The following ESYT2 variants were observed in gnomAD, a reference collection of about 807,000 sequenced individuals.
The protein encoded by ESYT2 is extended synaptotagmin-2.
ESYT2 carries 54 observed loss-of-function variants against 107.2 expected under a neutral mutation model. The ratio of observed to expected loss-of-function variants is 0.50; its 90% CI spans 0.40 to 0.63. The LOEUF (loss-of-function observed/expected upper bound fraction) is 0.63. Ranked by LOEUF, ESYT2 falls within the 30% of genes least tolerant of loss-of-function variation. The pLI is 0.00. For synonymous variants in ESYT2, 491 were observed against 434.1 expected (o/e 1.13, Z -1.63); for missense variants, 1,020 against 1,094.5 (o/e 0.93, Z 0.96).
intron 6 of ESYT2, among the ~76,000 whole-genome samples, chr7:158,775,385 C>A (rs1165763710): frequency 1.2e-5 from 1 of 80,794 alleles, no homozygotes; most frequent in African/African-American, 3.0e-5. Context: ...TAGCATGCCA[C>A]ACTGTTTGAT....
chr7:158,788,817 G>T (rs1463044179), intron 4 of ESYT2, among the ~76,000 whole-genome samples: 3 of 152,168 alleles, frequency 2.0e-5, no homozygotes, highest in Admixed American at 1.3e-4. Flanking sequence ...ACATTAAAAA[G>T]TTTAATTTTA....
Position 158,734,110 on chromosome 7 carries a change from T to A in ESYT2, c.*97A>T. 1 of 1,432,968 alleles carries A rather than the reference T, an allele frequency of 7.0e-7. No individual in the cohort carries two copies. 88.8% of individuals were successfully genotyped at this position (1,432,968 alleles called of 1,614,324 possible). A position where few individuals can be genotyped will look rare whatever the true frequency, so the allele number is the denominator to read the frequency against. ...ATTAAGGTATGTATAACTAAATCCATGAAATTATAAAAATAACATTGGTAC... is the reference window on the plus strand; with the variant it reads ...ATTAAGGTATGTATAACTAAATCCAAGAAATTATAAAAATAACATTGGTAC... On this transcript the variant is annotated 3_prime_UTR_variant, in exon 23 of 23. Transcript: ENST00000275418.
Position 158,759,530 on chromosome 7 carries a change from A to T in ESYT2, c.1375T>A (p.Ser459Thr). ...TCCAAGTACAAGATCAGCAATGCAG[A>T]GGAAAGACCATCGTTGGCTTGGTCT... is the stretch of plus-strand genomic sequence containing the variant. The part of the protein sequence containing the change: ...DKDQANDGLS[S>T]ALLILYLDSA... Residue 459 changes from serine (S) to threonine (T), a missense_variant, in exon 13 of 23, where the codon TCT becomes ACT. Ser to Thr is a moderately conservative substitution (Grantham distance 58). Coordinates refer to ENST00000275418, the MANE Select transcript of ESYT2 (RefSeq NM_001367773.1). 1 of 1,612,444 alleles carries T rather than the reference A, an allele frequency of 6.2e-7. No homozygotes were observed.
In ESYT2 at chr7:158,754,587, T is replaced by G. The variant is rs112780468; in HGVS notation, c.1420-1744A>C. On this transcript the variant is annotated intron_variant, in intron 13 of 22. Coordinates refer to ENST00000275418, the MANE Select transcript of ESYT2 (RefSeq NM_001367773.1). ...TTAGGCCTAAGGGCCTCCACAGTGG[T>G]GGCTATTATCCAGCTAGTACTGTTA... is the stretch of plus-strand genomic sequence containing the variant. 5.1e-3 allele frequency among the ~76,000 whole-genome samples: 770 copies of G among 152,228 alleles called. 3 individuals are homozygous for G. Among genetic ancestry groups the G allele is most frequent in the African/African-American group, 0.018 (739 of 41,530 alleles).
chr7:158,758,268 G>A (rs184976114), intron 13 of ESYT2, among the ~76,000 whole-genome samples: 19 of 152,310 alleles, frequency 1.2e-4, no homozygotes, highest in Admixed American at 5.2e-4. Flanking sequence ...TAAAATGCAC[G>A]GGTGCACAAG....
intron 3 of ESYT2, 33 bp downstream of exon 3, chr7:158,797,909 T>C (rs1839515737): frequency 6.3e-7 from 1 of 1,593,964 alleles, no homozygotes; most frequent in Non-Finnish European, 8.5e-7. Context: ...AATCTGACTG[T>C]GTGCACGTGA....
intron 1 of ESYT2, 22 bp from the exon 2 acceptor site, chr7:158,799,094 A>G (rs370597112): frequency 2.5e-6 from 4 of 1,607,676 alleles, no homozygotes; most frequent in Admixed American, 3.3e-5. Context: ...ATACACACAT[A>G]TGACTTATTA....
intron 1 of ESYT2, among the ~76,000 whole-genome samples, chr7:158,801,575 CAG>C (rs746052805): frequency 8.6e-5 from 13 of 151,426 alleles, no homozygotes; most frequent in Non-Finnish European, 1.3e-4. Flanking sequence ...ACAGGGATCA[CAG>C]AAAACACAGT....
At chr7:158,762,606 A>G (rs1206545680) in intron 10 of ESYT2, among the ~76,000 whole-genome samples, 1 of 152,246 alleles carries the variant, frequency 6.6e-6, no homozygotes, top group Admixed American at 6.5e-5. Flanking sequence ...TTTTAAAGCT[A>G]TACTAGTTGT....
chr7:158,781,864 TGTAAGAACGAGAACAA>T (rs370576196), intron 6 of ESYT2, among the ~76,000 whole-genome samples: 14 of 102,134 alleles, frequency 1.4e-4, no homozygotes, highest in South Asian at 6.5e-4. Flanking sequence ...GAGGTGTAAG[TGTAAGAACGAGAACAA>T]GTAAGAACGA....
chr7:158,789,516 T>A (rs842455), intron 4 of ESYT2, among the ~76,000 whole-genome samples: 3 of 152,108 alleles, frequency 2.0e-5, no homozygotes, highest in South Asian at 2.1e-4. Flanking sequence ...GCCACTACGC[T>A]AATTAATTTT....
chr7:158,815,193 T>G (rs2129474098), intron 1 of ESYT2, among the ~76,000 whole-genome samples: 1 of 152,344 alleles, frequency 6.6e-6, no homozygotes. Context: ...AGCTCCCTTG[T>G]GAAGCTATCC....
chr7:158,763,141 G>C lies in ESYT2; in HGVS notation c.1126C>G (p.Gln376Glu). The change falls in exon 10 of 23, where the codon CAA becomes GAA. Residue 376 changes from glutamine to glutamate, a missense_variant. Physicochemically the swap from Gln to Glu is conservative, Grantham distance 29. Transcript: ENST00000275418. ...YEALVYEHPG[Q>E]ELEIELFDED... ...TCAAAGAGCTCAATCTCTAATTCTT[G>C]TCCAGGATGTTCATACACTAAAGCC... 6.2e-7 allele frequency: 1 copy of C among 1,612,882 alleles called. No individual in the cohort carries two copies. The highest frequency in any genetic ancestry group is 8.5e-7 in the Non-Finnish European group (1 of 1,179,426).
At chr7:158,789,672 T>C (rs1369964265) in intron 4 of ESYT2, among the ~76,000 whole-genome samples, 1 of 152,156 alleles carries the variant, frequency 6.6e-6, no homozygotes, top group Non-Finnish European at 1.5e-5. Flanking sequence ...CATTTTATTT[T>C]CTAATACTTT....
chr7:158,734,278 G>A (rs748761678), intron 22 of ESYT2, 26 bp from the exon 23 acceptor site: 3 of 1,614,068 alleles, frequency 1.9e-6, no homozygotes, highest in East Asian at 4.5e-5. Context: ...ACAGGAAGGT[G>A]GTGACGGATA....
intron 5 of ESYT2, 84 bp from the exon 6 acceptor site, chr7:158,788,177 A>G: frequency 7.8e-7 from 1 of 1,285,966 alleles, no homozygotes; most frequent in Non-Finnish European, 1.1e-6. Context: ...TGCGAATCTT[A>G]GTAACTTTTG....
chr7:158,754,907 G>A (rs903847571), intron 13 of ESYT2, among the ~76,000 whole-genome samples: 4 of 152,112 alleles, frequency 2.6e-5, no homozygotes, highest in African/African-American at 9.7e-5. Flanking sequence ...GTAGCAACCT[G>A]AGACCCCTGC....
chr7:158,817,278 A>C (rs2129474156), intron 1 of ESYT2, among the ~76,000 whole-genome samples: 1 of 152,374 alleles, frequency 6.6e-6, no homozygotes, highest in East Asian at 1.9e-4. Flanking sequence ...GACAGGAAAC[A>C]TTAACCATCT....
chr7:158,767,807 C>CT, intron 7 of ESYT2, 33 bp from the exon 8 acceptor site: 11 of 1,594,288 alleles, frequency 6.9e-6, no homozygotes, highest in Non-Finnish European at 9.4e-6. Context: ...AGCAAACGGA[C>CT]TATCAGACAT....
Sources: gnomAD v4.1 joint callset for allele counts (sites outside exome capture counted in the v4.1 genomes callset) on GRCh38, gnomAD v4.1.1 for gene constraint, MANE v1.5 for transcripts, NCBI Gene and HGNC (gene_info 2026-07-23, HGNC 2026-07-21) for gene names.